CACNA1C: variants seen among roughly 807,000 people sequenced by gnomAD.
CACNA1C encodes voltage-dependent L-type calcium channel subunit alpha-1C.
In CACNA1C, 30 loss-of-function variants were observed where a neutral mutation model predicts 229.0. The observed-to-expected ratio is 0.13, with a 90% CI of 0.10 to 0.18. The LOEUF is 0.18. Ranked by LOEUF, CACNA1C falls within the 10% of genes least tolerant of loss-of-function variation. CACNA1C has a pLI of 1.00. For missense variants in CACNA1C, 1,658 were observed against 2,845.0 expected (o/e 0.58, Z 9.49); for synonymous variants, 1,114 against 1,132.5 (o/e 0.98, Z 0.33).
chr12:2,355,837 C>G (rs2097345479), intron 3 of CACNA1C, among the ~76,000 whole-genome samples: 1 of 152,096 alleles, frequency 6.6e-6, no homozygotes, highest in Non-Finnish European at 1.5e-5. Flanking sequence ...TGGGACAGCC[C>G]CACCCCAGAG....
chr12:2,031,435 C>T (rs1280607052), intron 1 of CACNA1C, among the ~76,000 whole-genome samples: 1 of 152,228 alleles, frequency 6.6e-6, no homozygotes, highest in African/African-American at 2.4e-5. Context: ...CTGTGTTCTT[C>T]AGGCTCAACC....
chr12:2,641,718 G>A (rs774010698), intron 30 of CACNA1C: 4 of 702,420 alleles, frequency 5.7e-6, no homozygotes, highest in Non-Finnish European at 1.0e-5. Flanking sequence ...TTGAAGAGAA[G>A]GCGATGCTCA....
chr12:2,466,654 G>T (rs564127155), intron 5 of CACNA1C, among the ~76,000 whole-genome samples: 14 of 152,264 alleles, frequency 9.2e-5, no homozygotes, highest in African/African-American at 3.4e-4. Context: ...GATGCTGCTG[G>T]TGCAGCTGAG....
chr12:1,985,052 C>G (rs1027833666), intron 1 of CACNA1C, among the ~76,000 whole-genome samples: 1 of 150,332 alleles, frequency 6.7e-6, no homozygotes, highest in South Asian at 2.1e-4. Flanking sequence ...AAAAAAAAAT[C>G]TTTGTTTTTC....
chr12:2,097,590 G>A (rs565535396), intron 1 of CACNA1C, among the ~76,000 whole-genome samples: 5 of 152,108 alleles, frequency 3.3e-5, no homozygotes, highest in South Asian at 2.1e-4. Context: ...GATAATAGCC[G>A]TCCTAAGGGG....
At chr12:2,167,410 G>A (rs2096283200) in intron 3 of CACNA1C, among the ~76,000 whole-genome samples, 1 of 152,226 alleles carries the variant, frequency 6.6e-6, no homozygotes, top group Admixed American at 6.5e-5. Context: ...TTTATGTCTA[G>A]TAATTTTGGA....
At chr12:2,039,146 T>G (rs2049657262) in intron 1 of CACNA1C, among the ~76,000 whole-genome samples, 1 of 152,182 alleles carries the variant, frequency 6.6e-6, no homozygotes, top group Non-Finnish European at 1.5e-5. Flanking sequence ...GAGCTGAAAC[T>G]TTCATGCAGA....
chr12:2,272,705 T>C (rs1396091947), intron 3 of CACNA1C, among the ~76,000 whole-genome samples: 1 of 152,206 alleles, frequency 6.6e-6, no homozygotes, highest in Non-Finnish European at 1.5e-5. Flanking sequence ...ATGTGGAGCT[T>C]CCTCTGCATT....
chr12:2,445,866 G>T (rs2154561989), intron 3 of CACNA1C, among the ~76,000 whole-genome samples: 1 of 152,260 alleles, frequency 6.6e-6, no homozygotes, highest in Non-Finnish European at 1.5e-5. Flanking sequence ...GGATATTGCT[G>T]CTCTCTCTGC....
At chr12:2,622,822 G>A (rs754627484) in intron 29 of CACNA1C, among the ~76,000 whole-genome samples, 1 of 152,088 alleles carries the variant, frequency 6.6e-6, no homozygotes. Context: ...CCCCTACAAT[G>A]GTCAGGGCAG....
intron 1 of CACNA1C, among the ~76,000 whole-genome samples, chr12:2,091,054 A>G (rs1373448969): frequency 6.6e-6 from 1 of 152,188 alleles, no homozygotes; most frequent in Admixed American, 6.5e-5. Flanking sequence ...CCATTTTAAC[A>G]TCAATACTCG....
chr12:2,432,056 A>G (rs2099091097), intron 3 of CACNA1C, among the ~76,000 whole-genome samples: 1 of 152,172 alleles, frequency 6.6e-6, no homozygotes, highest in Admixed American at 6.5e-5. Context: ...GTTTTATATC[A>G]TTATAATTGT....
intron 3 of CACNA1C, among the ~76,000 whole-genome samples, chr12:2,241,424 C>T (rs1400287554): frequency 1.3e-5 from 2 of 152,144 alleles, no homozygotes; most frequent in East Asian, 1.9e-4. Context: ...TGCCTCCCCC[C>T]TTGTCCCAGA....
chr12:2,055,919 CAG>C (rs977566146), intron 1 of CACNA1C, among the ~76,000 whole-genome samples: 6 of 152,198 alleles, frequency 3.9e-5, no homozygotes, highest in African/African-American at 1.4e-4. Context: ...AGACCTAGAA[CAG>C]AATGAATATT....
At chr12:2,395,389 T>G (rs1310900828) in intron 3 of CACNA1C, among the ~76,000 whole-genome samples, 5 of 152,142 alleles carry the variant, frequency 3.3e-5, no homozygotes, top group African/African-American at 1.2e-4. Context: ...CAGCTAATTC[T>G]TGTATTTTTA....
rs940589851 is a variant in CACNA1C at position 2,678,591 on chromosome 12, C to A, written c.5091+724C>A. On this transcript the variant is annotated intron_variant, in intron 41 of 46. Transcript: ENST00000399655. This position sits in a 1 kb window ranked among gnomAD's most constrained non-coding sequence, Gnocchi z 4.1. ...AGGACCCTGCTCACACCGCTCTCTC[C>A]CGGCCGCGGGCCCAGTTCCCAGGCT... Among the ~76,000 whole-genome samples, 1 of 152,244 alleles carries A rather than the reference C, an allele frequency of 6.6e-6. No homozygotes were observed. Among genetic ancestry groups the A allele is most frequent in the Admixed American group, 6.5e-5 (1 of 15,292 alleles).
chr12:2,356,172 A>C (rs1264807677), intron 3 of CACNA1C, among the ~76,000 whole-genome samples: 1 of 152,250 alleles, frequency 6.6e-6, no homozygotes, highest in African/African-American at 2.4e-5. Context: ...ACAATCAAGA[A>C]GTGGCCTCCG....
chr12:2,437,190 G>T (rs1267112045), intron 3 of CACNA1C, among the ~76,000 whole-genome samples: 1 of 152,268 alleles, frequency 6.6e-6, no homozygotes, highest in Non-Finnish European at 1.5e-5. Flanking sequence ...TTCATAGCCA[G>T]TGGTGCTCCT....
At chr12:2,615,320 T>G (rs2079895183) in intron 29 of CACNA1C, among the ~76,000 whole-genome samples, 2 of 152,184 alleles carry the variant, frequency 1.3e-5, no homozygotes, top group Non-Finnish European at 2.9e-5. Flanking sequence ...GAAAATAAAT[T>G]TTGAAGATAC....
Sources: allele counts gnomAD v4.1 joint callset (sites outside exome capture counted in the v4.1 genomes callset), GRCh38; gene constraint gnomAD v4.1.1; non-coding constraint Gnocchi (gnomAD v3.1); transcripts MANE v1.5; gene names NCBI Gene and HGNC (gene_info 2026-07-23, HGNC 2026-07-21).